Variants in MGAT4C observed in about 807,000 individuals in gnomAD.
MGAT4C encodes the protein MGAT4 family member C.
Under a neutral mutation model 40.1 loss-of-function variants are expected in MGAT4C, and 19 were observed. That is an observed-to-expected ratio of 0.47 (90% CI 0.33 to 0.70). The LOEUF (loss-of-function observed/expected upper bound fraction) is 0.70, where lower values mean the gene tolerates loss of function less well. Ranked by LOEUF, MGAT4C falls within the 30% of genes least tolerant of loss-of-function variation. The pLI is 0.02. For missense variants in MGAT4C, 491 were observed against 563.2 expected (o/e 0.87, Z 1.30); for synonymous variants, 181 against 187.1 (o/e 0.97, Z 0.27).
intron 3 of MGAT4C, among the ~76,000 whole-genome samples, chr12:86,376,840 G>C (rs981844832): frequency 4.9e-4 from 35 of 71,476 alleles, no homozygotes; most frequent in African/African-American, 1.1e-3. Flanking sequence ...GAGAGAGAGA[G>C]AGACAGAGAG....
chr12:86,620,358 C>T (rs140620987), intron 2 of MGAT4C, among the ~76,000 whole-genome samples: 100 of 152,160 alleles, frequency 6.6e-4, no homozygotes, highest in African/African-American at 2.1e-3. Flanking sequence ...CACACACACA[C>T]ACATATCCTG....
At chr12:86,094,454 T>A (rs1196159694) in intron 1 of MGAT4C, among the ~76,000 whole-genome samples, 1 of 152,136 alleles carries the variant, frequency 6.6e-6, no homozygotes, top group Non-Finnish European at 1.5e-5. Context: ...TATAATAATA[T>A]TGATAGATGT....
At chr12:86,272,150 T>C (rs1773899755) in intron 4 of MGAT4C, among the ~76,000 whole-genome samples, 1 of 152,218 alleles carries the variant, frequency 6.6e-6, no homozygotes, top group African/African-American at 2.4e-5. Context: ...CTAAATACAC[T>C]GACTTGATTG....
chr12:86,569,921 G>A (rs1488194702), intron 2 of MGAT4C, among the ~76,000 whole-genome samples: 1 of 152,010 alleles, frequency 6.6e-6, no homozygotes, highest in Non-Finnish European at 1.5e-5. Context: ...AACCTGGAGG[G>A]CATTCTGTTA....
chr12:86,242,355 T>C (rs949862623), intron 1 of MGAT4C, among the ~76,000 whole-genome samples: 2 of 152,174 alleles, frequency 1.3e-5, no homozygotes, highest in Non-Finnish European at 2.9e-5. Flanking sequence ...TAAACATAGA[T>C]ACTGCCTCAG....
intron 1 of MGAT4C, among the ~76,000 whole-genome samples, chr12:86,131,533 CTTTT>C (rs772867329): frequency 6.6e-6 from 1 of 151,890 alleles, no homozygotes; most frequent in Non-Finnish European, 1.5e-5. Context: ...GGCATTTATT[CTTTT>C]ATTTTGTATA....
chr12:86,130,047 T>C (rs1271929533), intron 1 of MGAT4C, among the ~76,000 whole-genome samples: 2 of 152,190 alleles, frequency 1.3e-5, no homozygotes, highest in Non-Finnish European at 2.9e-5. Flanking sequence ...AGTTGAAGTT[T>C]TTAAACAAGT....
intron 1 of MGAT4C, among the ~76,000 whole-genome samples, chr12:86,116,222 GA>G (rs1878392052): frequency 6.6e-6 from 1 of 151,842 alleles, no homozygotes; most frequent in Admixed American, 6.6e-5. Context: ...TTCTCGATGG[GA>G]AGCAAGCATA....
At chr12:86,707,403 C>T (rs1466360443) in intron 2 of MGAT4C, among the ~76,000 whole-genome samples, 1 of 152,022 alleles carries the variant, frequency 6.6e-6, no homozygotes, top group Non-Finnish European at 1.5e-5. Context: ...GGAACTGGAG[C>T]AAAGGTGATT....
intron 2 of MGAT4C, among the ~76,000 whole-genome samples, chr12:86,587,591 G>C (rs111299216): frequency 1.3e-5 from 2 of 152,046 alleles, no homozygotes; most frequent in East Asian, 3.9e-4. Flanking sequence ...AGCATGGAAT[G>C]TTCTTCCATT....
intron 2 of MGAT4C, among the ~76,000 whole-genome samples, chr12:86,463,059 A>T (rs557652202): frequency 3.3e-5 from 5 of 152,268 alleles, no homozygotes; most frequent in Admixed American, 2.0e-4. Context: ...ACCACCCAGA[A>T]TCTGAGCCTT....
At chr12:86,779,854 T>A (rs1951808461) in intron 1 of MGAT4C, among the ~76,000 whole-genome samples, 1 of 151,750 alleles carries the variant, frequency 6.6e-6, no homozygotes, top group African/African-American at 2.4e-5. Context: ...TGGAGCTTGC[T>A]GTGAGCAGAG....
In MGAT4C at chr12:86,218,255, C is replaced by T. The variant is rs145215460; in HGVS notation, c.-57+37984G>A. On this transcript the variant is annotated intron_variant, in intron 1 of 4. Coordinates refer to ENST00000611864, the MANE Select transcript of MGAT4C (RefSeq NM_001351288.2). ...CACTACCATGTAACTTTCTGTATTT[C>T]CTTTGAAGTCTTTATCACTCTGGTT... 3.5e-3 allele frequency among the ~76,000 whole-genome samples: 533 copies of T among 152,130 alleles called. 3 individuals carry two copies. The highest frequency in any genetic ancestry group is 0.012 in the African/African-American group (512 of 41,518).
At chr12:86,732,765 C>T (rs1055233027) in intron 1 of MGAT4C, among the ~76,000 whole-genome samples, 2 of 151,368 alleles carry the variant, frequency 1.3e-5, no homozygotes, top group Admixed American at 1.3e-4. Flanking sequence ...TGATCTGTGG[C>T]CCAGGGTTTG....
At chr12:86,123,606 G>GT (rs1879795493) in intron 1 of MGAT4C, among the ~76,000 whole-genome samples, 1 of 151,990 alleles carries the variant, frequency 6.6e-6, no homozygotes, top group Non-Finnish European at 1.5e-5. Flanking sequence ...ACTAGCTACT[G>GT]TTTTAAGACA....
intron 2 of MGAT4C, among the ~76,000 whole-genome samples, chr12:86,702,676 A>G (rs1950384873): frequency 6.6e-6 from 1 of 152,184 alleles, no homozygotes; most frequent in Non-Finnish European, 1.5e-5. Context: ...CTGCTCAGAA[A>G]AAGAGATTCC....
At chr12:86,315,603 G>A (rs1463214257) in intron 4 of MGAT4C, among the ~76,000 whole-genome samples, 1 of 152,130 alleles carries the variant, frequency 6.6e-6, no homozygotes, top group African/African-American at 2.4e-5. Context: ...CAGCTCTGGA[G>A]GCTGAGGCAG....
intron 2 of MGAT4C, among the ~76,000 whole-genome samples, chr12:86,535,371 T>C (rs1436406380): frequency 1.3e-5 from 2 of 152,108 alleles, no homozygotes; most frequent in Non-Finnish European, 2.9e-5. Flanking sequence ...AAATTATTTC[T>C]TCAGAATAGA....
At chr12:86,121,820 C>T (rs898829432) in intron 1 of MGAT4C, among the ~76,000 whole-genome samples, 6 of 152,056 alleles carry the variant, frequency 3.9e-5, no homozygotes, top group Admixed American at 1.3e-4. Context: ...CTTTTTAACC[C>T]CCTGCATACA....
Sources: allele counts gnomAD v4.1 joint callset (sites outside exome capture counted in the v4.1 genomes callset), GRCh38; gene constraint gnomAD v4.1.1; transcripts MANE v1.5; gene names NCBI Gene and HGNC (gene_info 2026-07-23, HGNC 2026-07-21).